The following C2 variants were observed in gnomAD, a reference collection of about 807,000 sequenced individuals.
C2 encodes C3/C5 convertase.
Under a neutral mutation model 85.2 loss-of-function variants are expected in C2, and 64 were observed. The ratio of observed to expected loss-of-function variants is 0.75; its 90% CI spans 0.61 to 0.92. The LOEUF (loss-of-function observed/expected upper bound fraction) is 0.92. C2 is among the 40% of genes least tolerant of loss of function. C2 has a pLI of 0.00. For missense variants in C2, 820 were observed against 971.6 expected, an observed-to-expected ratio of 0.84 and a Z score of 2.07; for synonymous variants, 311 against 370.8, an observed-to-expected ratio of 0.84 and a Z score of 1.85.
Position 31,944,683 on chromosome 6 carries a change from G to C in C2, c.1903-44G>C. ...GGCGTGAGCCACTGCACCCACCCGGGTCTGCTTATTCTACCCTTCTCTCTG... is the reference window on the plus strand; with the variant it reads ...GGCGTGAGCCACTGCACCCACCCGGCTCTGCTTATTCTACCCTTCTCTCTG... On this transcript the variant is annotated intron_variant, in intron 15 of 17. Transcript: ENST00000299367. The surrounding 1 kb of genome is among the most constrained non-coding windows in gnomAD (Gnocchi z 5.1). 2 of 1,611,872 alleles carry C rather than the reference G, an allele frequency of 1.2e-6. No individual in the cohort carries two copies. The highest frequency in any genetic ancestry group is 1.1e-5 in the South Asian group (1 of 91,046).
chr6:31,923,714 C>A (rs183369193), upstream of C2, among the ~76,000 whole-genome samples: 1 of 151,258 alleles, frequency 6.6e-6, no homozygotes, highest in Non-Finnish European at 1.5e-5. Flanking sequence ...TGGTCTCGAT[C>A]TCCTGACCTC....
chr6:31,901,322 A>G (rs781379296), intron 1 of C2: 70 of 1,595,556 alleles, frequency 4.4e-5, no homozygotes, highest in Admixed American at 1.7e-4. Flanking sequence ...GGGGGTGGGC[A>G]ACCCTGGTTG....
In C2 at chr6:31,944,297, A is replaced by G; in HGVS notation, c.1902+71A>G. ...CCCAGAATGTCTCTCTTCCTTCTCC[A>G]GGTCTGGCTGCTTTCTCTCTCTGAC... is the stretch of plus-strand genomic sequence containing the variant. On this transcript the variant is annotated intron_variant, in intron 15 of 17. Transcript: ENST00000299367. The surrounding 1 kb of genome is among the most constrained non-coding windows in gnomAD (Gnocchi z 5.1). 9.0e-7 allele frequency: 1 copy of G among 1,108,930 alleles called. No individual in the cohort carries two copies. Among genetic ancestry groups the G allele is most frequent in the Non-Finnish European group, 1.4e-6 (1 of 723,174 alleles). 68.7% of individuals were successfully genotyped at this position (1,108,930 alleles called of 1,614,324 possible).
upstream of C2, among the ~76,000 whole-genome samples, chr6:31,924,820 T>C (rs1280154678): frequency 6.6e-6 from 1 of 152,192 alleles, no homozygotes; most frequent in Non-Finnish European, 1.5e-5. Flanking sequence ...CATCAGTCTC[T>C]CCTATTCTGA....
chr6:31,928,057 C>G lies in C2; in HGVS notation c.149C>G (p.Ser50Cys), dbSNP rs1277611780. The G allele has an allele frequency of 2.5e-6, 4 of 1,614,038 alleles. No individual in the cohort carries two copies. Among genetic ancestry groups the G allele is most frequent in the Admixed American group, 1.7e-5 (1 of 59,998 alleles). ...GCTCCTGGGAGCCTTCTCACCTACT[C>G]CTGCCCCCAGGGCCTGTACCCATCC... is the stretch of plus-strand genomic sequence containing the variant. ...GWAPGSLLTY[S>C]CPQGLYPSPA... The change falls in exon 2 of 18, where the codon TCC becomes TGC. Residue 50 changes from serine (S) to cysteine (C), a missense_variant. Coordinates refer to ENST00000299367, the MANE Select transcript of C2 (RefSeq NM_000063.6).
At chr6:31,898,370 C>T (rs1178126625), upstream of C2, among the ~76,000 whole-genome samples, 3 of 152,140 alleles carry the variant, frequency 2.0e-5, no homozygotes, top group Non-Finnish European at 4.4e-5. Flanking sequence ...TCAGGTACTC[C>T]GTGGGTCATA....
At position 31,943,048 on chromosome 6, in the gene C2, T is replaced by A; in HGVS notation, c.1309T>A (p.Phe437Ile). The change falls in exon 10 of 18, where the codon TTC (phenylalanine) becomes ATC (isoleucine). Residue 437 changes from phenylalanine (F) to isoleucine (I), a missense_variant. Phe to Ile is a conservative substitution (Grantham distance 21, BLOSUM62 0). Coordinates refer to ENST00000299367, the MANE Select transcript of C2 (RefSeq NM_000063.6). This position sits in a 1 kb window ranked among gnomAD's most constrained non-coding sequence, Gnocchi z 6.4. ...GSKKDGERHA[F>I]ILQDTKALHQ... ...CAAGAAGGATGGTGAGAGGCATGCCTTCATTCTGCAGGACACAAAGGCTCT... is the reference window on the plus strand; with the variant it reads ...CAAGAAGGATGGTGAGAGGCATGCCATCATTCTGCAGGACACAAAGGCTCT... 6.2e-7 allele frequency: 1 copy of A among 1,613,040 alleles called. No individual in the cohort carries two copies. The highest frequency in any genetic ancestry group is 1.3e-5 in the African/African-American group (1 of 75,036).
intron 7 of C2, chr6:31,936,336 T>C (rs1258467436): frequency 2.1e-6 from 1 of 481,838 alleles, no homozygotes; most frequent in Non-Finnish European, 3.8e-6. Flanking sequence ...TTTGCATGGC[T>C]GCACACTGCC....
At chr6:31,918,965 G>C (rs888352043), upstream of C2, among the ~76,000 whole-genome samples, 1 of 151,180 alleles carries the variant, frequency 6.6e-6, no homozygotes, top group East Asian at 1.9e-4. Flanking sequence ...TCTATGAACC[G>C]AGACCGTCTA....
upstream of C2, chr6:31,900,069 G>A: frequency 6.2e-7 from 1 of 1,613,300 alleles, no homozygotes; most frequent in Non-Finnish European, 8.5e-7. The surrounding 1 kb of genome is among the most constrained non-coding windows in gnomAD (Gnocchi z 9.7). Context: ...CGGTAGGGCC[G>A]CGCTCCCGAG....
intron 1 of C2, among the ~76,000 whole-genome samples, chr6:31,914,275 T>TCTG (rs1768330077): frequency 6.6e-6 from 1 of 151,784 alleles, no homozygotes; most frequent in Admixed American, 6.6e-5. Context: ...GAAGGAATTC[T>TCTG]GCCTCAAGAC....
intron 1 of C2, chr6:31,901,350 A>G: frequency 6.4e-7 from 1 of 1,566,642 alleles, no homozygotes; most frequent in East Asian, 2.3e-5. Flanking sequence ...AACCGGTCAG[A>G]GACAAAGGTC....
chr6:31,942,124 CTTTT>C (rs28986183), intron 9 of C2, among the ~76,000 whole-genome samples: 1 of 122,442 alleles, frequency 8.2e-6, no homozygotes, highest in Admixed American at 8.4e-5. Flanking sequence ...CTCACCTCTT[CTTTT>C]TTTTTTTTTG....
At chr6:31,932,900 G>T (rs957754503) in intron 3 of C2, among the ~76,000 whole-genome samples, 2 of 152,250 alleles carry the variant, frequency 1.3e-5, no homozygotes, top group Non-Finnish European at 2.9e-5. Flanking sequence ...GATCACTCGC[G>T]GTTAGGAGCT....
chr6:31,932,780 G>C, intron 3 of C2, among the ~76,000 whole-genome samples: 1 of 152,242 alleles, frequency 6.6e-6, no homozygotes, highest in Non-Finnish European at 1.5e-5. Flanking sequence ...GGAGGTGGAG[G>C]TTGTAGCGAG....
At chr6:31,925,292 C>G (rs902933368), upstream of C2, among the ~76,000 whole-genome samples, 2 of 151,766 alleles carry the variant, frequency 1.3e-5, no homozygotes, top group African/African-American at 2.4e-5. Flanking sequence ...CCGAGTATTG[C>G]GCTTTTTTTT....
chr6:31,900,817 G>A (rs756730316), upstream of C2: 1 of 1,606,092 alleles, frequency 6.2e-7, no homozygotes, highest in Admixed American at 1.7e-5. The surrounding 1 kb of genome is among the most constrained non-coding windows in gnomAD (Gnocchi z 9.7). Context: ...GGGGCTTCGG[G>A]GCTGGCTTTG....
intron 1 of C2, among the ~76,000 whole-genome samples, chr6:31,907,967 C>G (rs1767831738): frequency 6.6e-6 from 1 of 150,506 alleles, no homozygotes; most frequent in Non-Finnish European, 1.5e-5. Context: ...CTGCCTCAGC[C>G]TCCTGAGTAG....
upstream of C2, among the ~76,000 whole-genome samples, chr6:31,924,742 T>A (rs1223566826): frequency 3.9e-5 from 6 of 152,206 alleles, no homozygotes; most frequent in African/African-American, 1.4e-4. Flanking sequence ...CAGGTTAGGC[T>A]TCATTACGTT....
Sources: gnomAD v4.1 joint callset for allele counts (sites outside exome capture counted in the v4.1 genomes callset) on GRCh38, gnomAD v4.1.1 for gene constraint, Gnocchi (gnomAD v3.1) non-coding constraint, MANE v1.5 for transcripts, NCBI Gene and HGNC (gene_info 2026-07-23, HGNC 2026-07-21) for gene names.